PLXNA4: variants seen among roughly 807,000 people sequenced by gnomAD.
PLXNA4 encodes the protein plexin A4, also known as plexin-A4.
PLXNA4 carries 44 observed loss-of-function variants against 191.8 expected under a neutral mutation model. The ratio of observed to expected loss-of-function variants is 0.23; its 90% CI spans 0.18 to 0.29. The LOEUF is 0.29. Among genes scored for constraint, PLXNA4 ranks in the 10% least tolerant of loss-of-function variants. PLXNA4 has a pLI of 1.00. For missense variants in PLXNA4, 1,800 were observed against 2,488.8 expected (o/e 0.72, Z 5.89); for synonymous variants, 1,082 against 1,009.5 (o/e 1.07, Z -1.36).
chr7:132,208,270 G>T (rs1413128754), intron 10 of PLXNA4, among the ~76,000 whole-genome samples: 2 of 152,168 alleles, frequency 1.3e-5, no homozygotes, highest in African/African-American at 2.4e-5. Context: ...GTAAGCAAAG[G>T]GCTGCATTCT....
chr7:132,473,623 T>A (rs1797010111), intron 3 of PLXNA4, among the ~76,000 whole-genome samples: 1 of 152,166 alleles, frequency 6.6e-6, no homozygotes, highest in South Asian at 2.1e-4. Flanking sequence ...CGTATCACAC[T>A]GCTAATGGGG....
At chr7:132,292,590 AGAT>A (rs1352711796) in intron 4 of PLXNA4, among the ~76,000 whole-genome samples, 1 of 152,236 alleles carries the variant, frequency 6.6e-6, no homozygotes, top group Non-Finnish European at 1.5e-5. Context: ...CATCACAAAC[AGAT>A]GAAGTCCAAA....
At chr7:132,423,356 G>A (rs924102826) in intron 3 of PLXNA4, among the ~76,000 whole-genome samples, 16 of 152,190 alleles carry the variant, frequency 1.1e-4, no homozygotes, top group Non-Finnish European at 2.2e-4. Flanking sequence ...CACTCAGCTG[G>A]GAAGTGGAAA....
At chr7:132,223,378 G>C in intron 9 of PLXNA4, 149 bp downstream of exon 9, 1 of 660,600 alleles carries the variant, frequency 1.5e-6, no homozygotes, top group Non-Finnish European at 2.6e-6. Context: ...CATATTTCCT[G>C]TTTTTATAAA....
At chr7:132,410,719 G>C (rs151109763) in intron 3 of PLXNA4, among the ~76,000 whole-genome samples, 1 of 152,202 alleles carries the variant, frequency 6.6e-6, no homozygotes. Context: ...TCCCCAAGGC[G>C]CTGGTGGGGA....
chr7:132,442,835 C>G (rs1339567136), intron 3 of PLXNA4, among the ~76,000 whole-genome samples: 2 of 152,242 alleles, frequency 1.3e-5, no homozygotes, highest in African/African-American at 2.4e-5. Flanking sequence ...TTGCCCTGAT[C>G]TAGCAGACTT....
chr7:132,136,638 G>A (rs909904293), intron 30 of PLXNA4, among the ~76,000 whole-genome samples: 6 of 152,162 alleles, frequency 3.9e-5, no homozygotes, highest in Admixed American at 2.6e-4. Context: ...GGATTTCTAT[G>A]GGGTAGTGGG....
chr7:132,130,550 C>T lies in PLXNA4; in HGVS notation c.5614G>A (p.Asp1872Asn), dbSNP rs772611297. Residue 1872 changes from aspartate to asparagine, a missense_variant, in exon 32 of 32, where the codon GAC (aspartate) becomes AAC (asparagine). Physicochemically the swap from Asp to Asn is conservative, Grantham distance 23 (BLOSUM62 1). Around this residue, in one of 6 missense-constraint regions of PLXNA4, gnomAD observed 83 missense variants for 81.6 expected, o/e 1.02. Transcript: ENST00000321063. ...GCCAGTTTCTGCTTCCCACACTGGTCATCGTGGTCCAGAGGTCCAAGGATC... is the reference window on the plus strand; with the variant it reads ...GCCAGTTTCTGCTTCCCACACTGGTTATCGTGGTCCAGAGGTCCAAGGATC... The part of the protein sequence containing the change: ...EEILGPLDHD[D>N]QCGKQKLAYK... 4.0e-5 allele frequency: 64 copies of T among 1,613,930 alleles called. No individual in the cohort carries two copies. The highest frequency in any genetic ancestry group is 4.8e-5 in the Non-Finnish European group (57 of 1,180,002).
chr7:132,159,189 A>T (rs1392513971), intron 25 of PLXNA4, among the ~76,000 whole-genome samples: 1 of 152,078 alleles, frequency 6.6e-6, no homozygotes, highest in East Asian at 1.9e-4. Context: ...CTGCTATTCA[A>T]AGGACCCCAG....
intron 3 of PLXNA4, among the ~76,000 whole-genome samples, chr7:132,311,468 C>T (rs1425640143): frequency 2.6e-5 from 4 of 152,174 alleles, no homozygotes; most frequent in Non-Finnish European, 5.9e-5. Flanking sequence ...TACCCAAGCT[C>T]ACTAGCCAGT....
rs368835140 is a variant in PLXNA4, at chr7:132,140,583, G to T, written c.5438+16C>A. On this transcript the variant is annotated intron_variant, in intron 30 of 31. Coordinates refer to ENST00000321063, the MANE Select transcript of PLXNA4 (RefSeq NM_020911.2). The stretch of plus-strand genomic sequence containing the variant: ...CAGCAAGGGGCCCTGACTTGGCTCC[G>T]TGGCCCAGCACTCACCTCTCCACCC... 1 of 1,611,144 alleles carries T rather than the reference G, an allele frequency of 6.2e-7. No homozygotes were observed. The highest frequency in any genetic ancestry group is 1.1e-5 in the South Asian group (1 of 90,942).
intron 3 of PLXNA4, among the ~76,000 whole-genome samples, chr7:132,448,014 AAAC>A (rs1011922356): frequency 3.8e-4 from 58 of 152,204 alleles, no homozygotes; most frequent in Middle Eastern, 6.8e-3. Flanking sequence ...TTGTCTTAAA[AAAC>A]AACAACAACA....
chr7:132,441,762 A>G (rs909733675), intron 3 of PLXNA4, among the ~76,000 whole-genome samples: 1 of 152,236 alleles, frequency 6.6e-6, no homozygotes, highest in African/African-American at 2.4e-5. Flanking sequence ...TAATAATCCT[A>G]TTCCTTGGCT....
In PLXNA4 at chr7:132,254,438, C is replaced by T. The variant is rs142262232; in HGVS notation, c.1504-13272G>A. ...TCTGAGAGAATGGAGAGAGCACAGG[C>T]TTCTGAAGTCCTAGATTCAACTCCT... is the stretch of plus-strand genomic sequence containing the variant. On this transcript the variant is annotated intron_variant, in intron 4 of 31. Coordinates refer to ENST00000321063, the MANE Select transcript of PLXNA4 (RefSeq NM_020911.2). Among the ~76,000 whole-genome samples the T allele has an allele frequency of 1.4e-3, 208 of 152,316 alleles. 1 individual carries two copies. Among genetic ancestry groups the T allele is most frequent in the African/African-American group, 4.2e-3 (174 of 41,564 alleles).
chr7:132,479,896 G>A (rs986812124), intron 3 of PLXNA4, among the ~76,000 whole-genome samples: 2 of 152,266 alleles, frequency 1.3e-5, no homozygotes, highest in Admixed American at 1.3e-4. Context: ...GGCCTCAAGT[G>A]ATCCACCCTC....
intron 3 of PLXNA4, among the ~76,000 whole-genome samples, chr7:132,416,659 C>T (rs756148597): frequency 2.0e-4 from 31 of 152,224 alleles, no homozygotes; most frequent in Non-Finnish European, 4.0e-4. Flanking sequence ...TATAATGGCA[C>T]AGGGCTGTCC....
chr7:132,358,300 G>A (rs1370106447), intron 3 of PLXNA4, among the ~76,000 whole-genome samples: 3 of 152,352 alleles, frequency 2.0e-5, no homozygotes, highest in East Asian at 1.9e-4. Flanking sequence ...GGGGTTGGGT[G>A]GAGGTTCAAG....
chr7:132,318,538 C>A (rs944037147), intron 3 of PLXNA4, among the ~76,000 whole-genome samples: 5 of 152,266 alleles, frequency 3.3e-5, no homozygotes, highest in African/African-American at 1.2e-4. Flanking sequence ...TCCCTCCCCA[C>A]CCCCTGCAGA....
At chr7:132,397,498 G>A (rs772673586) in intron 3 of PLXNA4, among the ~76,000 whole-genome samples, 9 of 152,350 alleles carry the variant, frequency 5.9e-5, no homozygotes, top group Non-Finnish European at 1.2e-4. Context: ...ACACACTCAT[G>A]AGAGCCCCAT....
Sources: gnomAD v4.1 joint callset for allele counts (sites outside exome capture counted in the v4.1 genomes callset) on GRCh38, gnomAD v4.1.1 for gene constraint, gnomAD v4.1.1 regional missense constraint, MANE v1.5 for transcripts, NCBI Gene and HGNC (gene_info 2026-07-23, HGNC 2026-07-21) for gene names.